The following TEX264 variants were observed in gnomAD, a reference collection of about 807,000 sequenced individuals.
TEX264 encodes testis-expressed protein 264.
A neutral mutation model predicts 23.4 loss-of-function variants in TEX264; 13 were observed. That is an observed-to-expected ratio of 0.56 (90% CI 0.36 to 0.88). The LOEUF is 0.88. Among genes scored for constraint, TEX264 ranks in the 40% least tolerant of loss-of-function variants. The pLI, the probability that TEX264 is intolerant of heterozygous loss-of-function variation, is 0.01. For synonymous variants in TEX264, 159 were observed against 170.0 expected, an observed-to-expected ratio of 0.94 and a Z score of 0.50; for missense variants, 340 against 406.8, an observed-to-expected ratio of 0.84 and a Z score of 1.41.
In TEX264 at chr3:51,703,875, T is replaced by C; in HGVS notation, c.801T>C (p.Gly267=). ...TRSEHSYSES[G]ASGSSFEELD... Reference sequence around the variant, plus strand: ...GCGAGCACAGCTACAGCGAGTCAGGTGCCAGCGGCTCCTCTTTTGAGGAGC... The same window carrying C: ...GCGAGCACAGCTACAGCGAGTCAGGCGCCAGCGGCTCCTCTTTTGAGGAGC... The change falls in exon 5 of 5, where the codon GGT becomes GGC. Residue 267 remains glycine (G), a synonymous_variant. Coordinates refer to ENST00000341333, the MANE Select transcript of TEX264 (RefSeq NM_015926.6). The surrounding 1 kb of genome is among the most constrained non-coding windows in gnomAD (Gnocchi z 4.8). 2.5e-6 allele frequency: 4 copies of C among 1,612,138 alleles called. No individual in the cohort carries two copies. Among genetic ancestry groups the C allele is most frequent in the Non-Finnish European group, 3.4e-6 (4 of 1,178,752 alleles).
chr3:51,702,042 T>TGA (rs1240884277), intron 4 of TEX264, among the ~76,000 whole-genome samples: 2 of 152,130 alleles, frequency 1.3e-5, no homozygotes, highest in African/African-American at 4.8e-5. Context: ...CCTCTGAACA[T>TGA]TCCTAGCCTA....
chr3:51,680,215 T>C (rs1702376377), intron 2 of TEX264, among the ~76,000 whole-genome samples: 1 of 152,196 alleles, frequency 6.6e-6, no homozygotes, highest in Non-Finnish European at 1.5e-5. Context: ...CAGTTTGTAT[T>C]AACCCTGAAC....
intron 2 of TEX264, chr3:51,684,125 A>G (rs1559674770): frequency 1.2e-5 from 5 of 434,380 alleles, no homozygotes; most frequent in Non-Finnish European, 2.1e-5. Flanking sequence ...CCTGGCCTCC[A>G]GAAGGGCAGA....
At chr3:51,698,912 T>G (rs1454237411) in intron 3 of TEX264, among the ~76,000 whole-genome samples, 1 of 152,118 alleles carries the variant, frequency 6.6e-6, no homozygotes, top group African/African-American at 2.4e-5. Flanking sequence ...GCCTAAGGAC[T>G]GGGGGTGCTG....
chr3:51,688,962 T>TA (rs1054212107), intron 3 of TEX264, among the ~76,000 whole-genome samples: 12 of 149,720 alleles, frequency 8.0e-5, no homozygotes, highest in South Asian at 2.1e-4. Flanking sequence ...ATCCTGCCTC[T>TA]AAAAAAAACA....
intron 4 of TEX264, among the ~76,000 whole-genome samples, chr3:51,701,590 G>A (rs899369369): frequency 6.6e-6 from 1 of 151,922 alleles, no homozygotes; most frequent in Admixed American, 6.6e-5. Flanking sequence ...CCAAAGTGTT[G>A]GGATTCTAGG....
At chr3:51,701,112 T>C (rs1385465352) in intron 4 of TEX264, among the ~76,000 whole-genome samples, 1 of 152,178 alleles carries the variant, frequency 6.6e-6, no homozygotes, top group Non-Finnish European at 1.5e-5. Flanking sequence ...TATTTGATCG[T>C]CTTGCACTGG....
chr3:51,694,358 T>G (rs1702976196), intron 3 of TEX264: 1 of 152,110 alleles, frequency 6.6e-6, no homozygotes, highest in African/African-American at 2.4e-5. Context: ...CTGAAACTTG[T>G]GACCTCAAGT....
chr3:51,675,257 G>A (rs1559669711), intron 2 of TEX264, among the ~76,000 whole-genome samples: 1 of 152,232 alleles, frequency 6.6e-6, no homozygotes, highest in African/African-American at 2.4e-5. Flanking sequence ...CCTATGGTGA[G>A]TCAGAGCTTG....
chr3:51,687,479 A>G (rs1156462697), intron 3 of TEX264, among the ~76,000 whole-genome samples: 1 of 152,134 alleles, frequency 6.6e-6, no homozygotes, highest in East Asian at 1.9e-4. Context: ...GAGAAAGGAG[A>G]TTACTAATGA....
chr3:51,701,172 A>G (rs1489985565), intron 4 of TEX264, among the ~76,000 whole-genome samples: 1 of 152,086 alleles, frequency 6.6e-6, no homozygotes, highest in Non-Finnish European at 1.5e-5. Context: ...GTGGGCTTCA[A>G]GTCCCCTGCC....
intron 3 of TEX264, among the ~76,000 whole-genome samples, chr3:51,692,029 C>T (rs1006530529): frequency 2.0e-5 from 3 of 152,202 alleles, no homozygotes; most frequent in Non-Finnish European, 4.4e-5. Context: ...CTTTACCCCA[C>T]CTCCCTCCCT....
intron 2 of TEX264, 82 bp downstream of exon 2, chr3:51,674,644 G>C (rs1289743916): frequency 2.0e-6 from 3 of 1,534,678 alleles, no homozygotes; most frequent in Middle Eastern, 2.1e-4. Flanking sequence ...TTTGGTTGCT[G>C]AGGAAAGGGT....
intron 3 of TEX264, among the ~76,000 whole-genome samples, chr3:51,685,024 C>A (rs372887033): frequency 2.0e-5 from 3 of 152,360 alleles, no homozygotes; most frequent in South Asian, 4.1e-4. Context: ...AGTGTCTGGG[C>A]AGGCCCCAGG....
In TEX264 at chr3:51,686,484, C is replaced by T. The variant is rs1559676374; in HGVS notation, c.480+1850C>T. The stretch of plus-strand genomic sequence containing the variant: ...AATAAATGAGGCCCTGGGTCACCAG[C>T]TGTGTCCTTGGCGGTCAAAGACAGG... On this transcript the variant is annotated intron_variant, in intron 3 of 4. Transcript: ENST00000341333. This position sits in a 1 kb window ranked among gnomAD's most constrained non-coding sequence, Gnocchi z 4.1. Among the ~76,000 whole-genome samples, 1 of 152,178 alleles carries T rather than the reference C, an allele frequency of 6.6e-6. No individual in the cohort carries two copies. The highest frequency in any genetic ancestry group is 1.5e-5 in the Non-Finnish European group (1 of 68,040).
At chr3:51,700,884 A>G (rs1703272227) in intron 4 of TEX264, among the ~76,000 whole-genome samples, 1 of 151,254 alleles carries the variant, frequency 6.6e-6, no homozygotes, top group Non-Finnish European at 1.5e-5. Context: ...CTGTCCTGAC[A>G]CCCCAGCGGG....
At chr3:51,694,708 T>C (rs1200579665) in intron 3 of TEX264, 1 of 152,562 alleles carries the variant, frequency 6.6e-6, no homozygotes, top group African/African-American at 2.4e-5. Context: ...TTTCCCTCCC[T>C]GGCCATCCTG....
rs200838772 is a variant in TEX264 at position 51,674,568 on chromosome 3, G to A, written c.258+6G>A. ...ACTATGACAACCCCCACATGGTAAG[G>A]AGTCTCCATGGGGTTCTGCCCCATG... is the stretch of plus-strand genomic sequence containing the variant. On this transcript the variant is annotated splice_donor_region_variant and intron_variant, in intron 2 of 4. Transcript: ENST00000341333. 7.3e-4 allele frequency: 1,170 copies of A among 1,613,552 alleles called. No homozygotes were observed. Among genetic ancestry groups the A allele is most frequent in the Non-Finnish European group, 9.2e-4 (1,087 of 1,179,758 alleles).
In TEX264 at chr3:51,703,231, G is replaced by A. The variant is rs898325288; in HGVS notation, c.650-493G>A. On this transcript the variant is annotated intron_variant, in intron 4 of 4. Transcript: ENST00000341333. This position sits in a 1 kb window ranked among gnomAD's most constrained non-coding sequence, Gnocchi z 4.8. ...CCCTGCACGGGGGAGGGCTGCAGAG[G>A]GGCCTCCTGCTGCATTCTGCAGTCC... Among the ~76,000 whole-genome samples the A allele has an allele frequency of 2.0e-5, 3 of 152,186 alleles. No homozygotes were observed. Among genetic ancestry groups the A allele is most frequent in the African/African-American group, 7.2e-5 (3 of 41,448 alleles).
Sources: gnomAD v4.1 joint callset for allele counts (sites outside exome capture counted in the v4.1 genomes callset) on GRCh38, gnomAD v4.1.1 for gene constraint, Gnocchi (gnomAD v3.1) non-coding constraint, MANE v1.5 for transcripts, NCBI Gene and HGNC (gene_info 2026-07-23, HGNC 2026-07-21) for gene names.